The following TMEM204 variants were observed in gnomAD, a reference collection of about 807,000 sequenced individuals.
TMEM204 encodes transmembrane protein 204, also known as claudin-like protein 24.
TMEM204 carries 15 observed loss-of-function variants against 19.4 expected under a neutral mutation model. The observed-to-expected ratio is 0.77, with a 90% CI of 0.52 to 1.19. The LOEUF (loss-of-function observed/expected upper bound fraction) is 1.19. Among genes scored for constraint, TMEM204 ranks in the 50% most tolerant of loss-of-function variants. The probability of loss-of-function intolerance (pLI) is 0.00; values close to 1 mark genes in which losing one functional copy is unlikely to be tolerated. For synonymous variants in TMEM204, 161 were observed against 146.0 expected (o/e 1.10, Z -0.74); for missense variants, 287 against 321.2 (o/e 0.89, Z 0.81).
Position 1,541,905 on chromosome 16 carries a change from T to C in TMEM204, c.281-16T>C. On this transcript the variant is annotated splice_polypyrimidine_tract_variant and intron_variant, in intron 1 of 2. Transcript: ENST00000566264. Reference sequence around the variant, plus strand: ...CCACCTGCACTCACCACTGCCTCTCTGCTCTTGGCCCACAGTGCAGTTCGA... The same window carrying C: ...CCACCTGCACTCACCACTGCCTCTCCGCTCTTGGCCCACAGTGCAGTTCGA... 2 of 1,576,080 alleles carry C rather than the reference T, an allele frequency of 1.3e-6. No individual in the cohort carries two copies. The highest frequency in any genetic ancestry group is 2.3e-5 in the East Asian group (1 of 44,000).
chr16:1,550,609 G>A lies in TMEM204; in HGVS notation c.437-4173G>A, dbSNP rs371667390. ...TCCACACTGCTAGGGCACCCGGCAG[G>A]CTGCCTCAGGGCAGGAGGCCGGGCT... is the stretch of plus-strand genomic sequence containing the variant. On this transcript the variant is annotated intron_variant, in intron 2 of 2. Coordinates refer to ENST00000566264, the MANE Select transcript of TMEM204 (RefSeq NM_024600.6). Among the ~76,000 whole-genome samples the A allele has an allele frequency of 3.3e-5, 5 of 152,260 alleles. 1 individual carries two copies. Among genetic ancestry groups the A allele is most frequent in the East Asian group, 1.9e-4 (1 of 5,156 alleles).
At position 1,553,196 on chromosome 16, in the gene TMEM204, G is replaced by T; in HGVS notation, c.437-1586G>T. 2 of 983,566 alleles carry T rather than the reference G, an allele frequency of 2.0e-6. No individual in the cohort carries two copies. 60.9% of individuals were successfully genotyped at this position (983,566 alleles called of 1,614,324 possible). On this transcript the variant is annotated intron_variant, in intron 2 of 2. Coordinates refer to ENST00000566264, the MANE Select transcript of TMEM204 (RefSeq NM_024600.6). This position sits in a 1 kb window ranked among gnomAD's most constrained non-coding sequence, Gnocchi z 4.4. Reference sequence around the variant, plus strand: ...TCTTGCTCTCTGTCTCTCCTTCCCTGTGTCTCTGTCTCTGTCTCTCTCTGT... The same window carrying T: ...TCTTGCTCTCTGTCTCTCCTTCCCTTTGTCTCTGTCTCTGTCTCTCTCTGT...
chr16:1,545,112 G>A (rs532278560), intron 2 of TMEM204, among the ~76,000 whole-genome samples: 86 of 152,348 alleles, frequency 5.6e-4, no homozygotes, highest in African/African-American at 1.9e-3. Context: ...ACATGGGGGC[G>A]AGCACCCTGA....
At chr16:1,536,832 C>G (rs999024452) in intron 1 of TMEM204, among the ~76,000 whole-genome samples, 2 of 152,226 alleles carry the variant, frequency 1.3e-5, no homozygotes, top group Non-Finnish European at 2.9e-5. Flanking sequence ...GGTGGCCCCT[C>G]TGTCCACAGC....
chr16:1,552,309 A>G (rs1331690845), intron 2 of TMEM204, among the ~76,000 whole-genome samples: 2 of 151,636 alleles, frequency 1.3e-5, no homozygotes, highest in Non-Finnish European at 2.9e-5. Context: ...GACTCTCCCC[A>G]AGGCTCCCAC....
At chr16:1,530,749 C>G (rs889025256), upstream of TMEM204, 4 of 149,234 alleles carry the variant, frequency 2.7e-5, no homozygotes, top group African/African-American at 1.0e-4. Flanking sequence ...AGCCCGCAGG[C>G]CGGCCCTGGT....
At chr16:1,548,522 T>C (rs184773459) in intron 2 of TMEM204, among the ~76,000 whole-genome samples, 229 of 152,364 alleles carry the variant, frequency 1.5e-3, no homozygotes, top group African/African-American at 5.1e-3. Context: ...CAGAATTTCG[T>C]GTTTGCTAAA....
intron 2 of TMEM204, among the ~76,000 whole-genome samples, chr16:1,546,349 C>G (rs376675817): frequency 6.6e-6 from 1 of 152,174 alleles, no homozygotes; most frequent in African/African-American, 2.4e-5. Flanking sequence ...CCAGCTGGAT[C>G]GCTGGCTGGT....
chr16:1,537,297 G>A (rs962155021), intron 1 of TMEM204, among the ~76,000 whole-genome samples: 9 of 152,228 alleles, frequency 5.9e-5, no homozygotes, highest in African/African-American at 1.9e-4. Context: ...TCCGGATGTC[G>A]CTGAGGCCCG....
intron 1 of TMEM204, among the ~76,000 whole-genome samples, chr16:1,535,973 G>A (rs1475117240): frequency 6.6e-6 from 1 of 152,274 alleles, no homozygotes; most frequent in Admixed American, 6.5e-5. Flanking sequence ...GCTGAAGAAG[G>A]AGCCGCAGCC....
intron 2 of TMEM204, among the ~76,000 whole-genome samples, chr16:1,543,811 T>C (rs2031889323): frequency 6.6e-6 from 1 of 152,188 alleles, no homozygotes; most frequent in Non-Finnish European, 1.5e-5. Flanking sequence ...GAAGTGGTTT[T>C]CCTGTCTCAC....
At chr16:1,542,661 G>C (rs548925850) in intron 2 of TMEM204, among the ~76,000 whole-genome samples, 1 of 152,394 alleles carries the variant, frequency 6.6e-6, no homozygotes, top group Non-Finnish European at 1.5e-5. Context: ...GAACACGCTA[G>C]CACGTTCCAC....
intron 2 of TMEM204, chr16:1,554,140 A>G: frequency 7.8e-7 from 1 of 1,286,998 alleles, no homozygotes. Context: ...GACACCAGAT[A>G]TAGCCAAGGA....
chr16:1,534,670 T>G, intron 1 of TMEM204, 115 bp downstream of exon 1: 1 of 1,453,260 alleles, frequency 6.9e-7, no homozygotes, highest in Non-Finnish European at 9.4e-7. Flanking sequence ...TGCTCTGCCC[T>G]GAGCGTGGCC....
At chr16:1,542,423 G>A (rs2031738083) in intron 2 of TMEM204, among the ~76,000 whole-genome samples, 1 of 152,254 alleles carries the variant, frequency 6.6e-6, no homozygotes, top group African/African-American at 2.4e-5. Flanking sequence ...GGGCAGCCTG[G>A]GTCCTGCCCC....
upstream of TMEM204, chr16:1,530,811 C>T (rs1220302767): frequency 6.6e-6 from 1 of 150,960 alleles, no homozygotes; most frequent in Admixed American, 6.6e-5. Context: ...GCCAGCACAC[C>T]GTCAGATGCC....
At chr16:1,537,104 C>A (rs892038764) in intron 1 of TMEM204, among the ~76,000 whole-genome samples, 3 of 152,246 alleles carry the variant, frequency 2.0e-5, no homozygotes, top group African/African-American at 7.2e-5. Flanking sequence ...TGATGGGCTG[C>A]GACCGTCTGT....
chr16:1,555,257 C>A lies in TMEM204; in HGVS notation c.*231C>A. ...CTGCCTCCAGCTTTCCTGGTTAGCG[C>A]AACGCGGCTCCACGACCACACGCAC... On this transcript the variant is annotated 3_prime_UTR_variant, in exon 3 of 3. Coordinates refer to ENST00000566264, the MANE Select transcript of TMEM204 (RefSeq NM_024600.6). 1 of 552,148 alleles carries A rather than the reference C, an allele frequency of 1.8e-6. No homozygotes were observed. Among genetic ancestry groups the A allele is most frequent in the Non-Finnish European group, 3.2e-6 (1 of 314,976 alleles). 34.2% of individuals were successfully genotyped at this position (552,148 alleles called of 1,614,324 possible).
chr16:1,530,123 C>G (rs965847018), upstream of TMEM204, among the ~76,000 whole-genome samples: 4 of 135,268 alleles, frequency 3.0e-5, no homozygotes, highest in African/African-American at 9.7e-5. Flanking sequence ...AAAGACTTCA[C>G]GACGGGAATC....
Sources: gnomAD v4.1 joint callset for allele counts (sites outside exome capture counted in the v4.1 genomes callset) on GRCh38, gnomAD v4.1.1 for gene constraint, Gnocchi (gnomAD v3.1) non-coding constraint, MANE v1.5 for transcripts, NCBI Gene and HGNC (gene_info 2026-07-23, HGNC 2026-07-21) for gene names.